Variants in INPP4B observed in about 807,000 individuals in gnomAD.
INPP4B encodes the protein inositol polyphosphate 4-phosphatase type II.
A neutral mutation model predicts 122.5 loss-of-function variants in INPP4B; 55 were observed. The ratio of observed to expected loss-of-function variants is 0.45; its 90% CI spans 0.36 to 0.56. The LOEUF is 0.56. Ranked by LOEUF, INPP4B falls within the 20% of genes least tolerant of loss-of-function variation. INPP4B has a pLI of 0.00. For missense variants in INPP4B, 1,000 were observed against 1,097.7 expected, an observed-to-expected ratio of 0.91 and a Z score of 1.26; for synonymous variants, 403 against 388.7, an observed-to-expected ratio of 1.04 and a Z score of -0.43.
chr4:142,608,125 A>T (rs1483170743), intron 2 of INPP4B, among the ~76,000 whole-genome samples: 1 of 152,192 alleles, frequency 6.6e-6, no homozygotes, highest in Non-Finnish European at 1.5e-5. Flanking sequence ...TGAATCATCA[A>T]GGGCCTATTG....
chr4:142,333,453 C>G (rs1027460103), intron 7 of INPP4B, among the ~76,000 whole-genome samples: 2 of 152,152 alleles, frequency 1.3e-5, no homozygotes, highest in South Asian at 2.1e-4. Flanking sequence ...TCGCTTTTAT[C>G]TCTCATATTC....
intron 2 of INPP4B, among the ~76,000 whole-genome samples, chr4:142,546,879 A>G (rs1280995517): frequency 1.3e-5 from 2 of 152,162 alleles, no homozygotes; most frequent in African/African-American, 4.8e-5. Flanking sequence ...AGTAATATTA[A>G]GAAACTACAG....
chr4:142,072,540 CTTT>C (rs768906284), intron 25 of INPP4B, among the ~76,000 whole-genome samples: 4 of 134,526 alleles, frequency 3.0e-5, no homozygotes, highest in Admixed American at 7.5e-5. Flanking sequence ...GTGGAAATGA[CTTT>C]TTTTTTTTTT....
At chr4:142,451,228 C>T (rs1372498820) in intron 3 of INPP4B, among the ~76,000 whole-genome samples, 1 of 150,046 alleles carries the variant, frequency 6.7e-6, no homozygotes, top group African/African-American at 2.4e-5. Flanking sequence ...AACATAGTTT[C>T]CCTTTTTTGT....
At chr4:142,557,630 A>C (rs1459295415) in intron 2 of INPP4B, among the ~76,000 whole-genome samples, 3 of 152,228 alleles carry the variant, frequency 2.0e-5, no homozygotes, top group Non-Finnish European at 4.4e-5. Context: ...TTTAAGATAC[A>C]GCCTTGGTAA....
chr4:142,842,821 A>T (rs1217498576), intron 1 of INPP4B, among the ~76,000 whole-genome samples: 1 of 134,918 alleles, frequency 7.4e-6, no homozygotes, highest in African/African-American at 2.7e-5. Flanking sequence ...TGTATGATAT[A>T]TATAAATTTA....
At chr4:142,031,828 A>C (rs1004164629) in intron 25 of INPP4B, among the ~76,000 whole-genome samples, 8 of 152,160 alleles carry the variant, frequency 5.3e-5, no homozygotes, top group African/African-American at 1.9e-4. Flanking sequence ...TTCAACCCAA[A>C]GTTTTTAGTG....
At chr4:142,346,015 A>G (rs1780223124) in intron 7 of INPP4B, among the ~76,000 whole-genome samples, 1 of 151,986 alleles carries the variant, frequency 6.6e-6, no homozygotes, top group Non-Finnish European at 1.5e-5. Flanking sequence ...GCAGTTGCAA[A>G]TCTTTCTCAT....
At chr4:142,654,976 A>G (rs891187492) in intron 2 of INPP4B, among the ~76,000 whole-genome samples, 2 of 152,162 alleles carry the variant, frequency 1.3e-5, no homozygotes, top group Non-Finnish European at 2.9e-5. Context: ...CACTTAATTG[A>G]AAGGATTCCT....
Position 142,097,225 on chromosome 4 carries a change from T to TTTTATTTTATTTTATTTTATTTTA in INPP4B, c.2374+10867_2374+10868insTAAAATAAAATAAAATAAAATAAA, listed in dbSNP as rs70949153. ...TCCATTTTTTGTTTATTTTATGTTATTTTTATTTTATTTTATTTTATTTTA... is the reference window on the plus strand; with the variant it reads ...TCCATTTTTTGTTTATTTTATGTTATTTTATTTTATTTTATTTTATTTTATTTTATTTTATTTTATTTTATTTTA... On this transcript the variant is annotated intron_variant, in intron 23 of 25. Transcript: ENST00000262992. 2.2e-3 allele frequency among the ~76,000 whole-genome samples: 294 copies of TTTTATTTTATTTTATTTTATTTTA among 135,544 alleles called. 4 individuals carry two copies. The highest frequency in any genetic ancestry group is 5.6e-3 in the Admixed American group (74 of 13,254). The allele number at this position is 135,544 out of a possible 152,430, so 88.9% of individuals were successfully genotyped here.
rs148360007 is a variant in INPP4B at position 142,464,606 on chromosome 4, C to G, written c.-190-1880G>C. 7.1e-3 allele frequency among the ~76,000 whole-genome samples: 946 copies of G among 133,126 alleles called. 14 individuals are homozygous for G. Among genetic ancestry groups the G allele is most frequent in the African/African-American group, 0.029 (889 of 30,820 alleles). The allele number at this position is 133,126 out of a possible 152,430, so 87.3% of individuals were successfully genotyped here. ...AGACCCAGAGTTGCTTTTAAGATAA[C>G]TGTTAAGAAAAAAAAAAAATGTTTC... On this transcript the variant is annotated intron_variant, in intron 2 of 25. Coordinates refer to ENST00000262992, the MANE Select transcript of INPP4B (RefSeq NM_001101669.3).
chr4:142,513,479 C>T (rs1439479489), intron 2 of INPP4B, among the ~76,000 whole-genome samples: 1 of 151,974 alleles, frequency 6.6e-6, no homozygotes, highest in African/African-American at 2.4e-5. Context: ...ACAGTCTCGG[C>T]TCACTGCAAC....
At chr4:142,342,623 T>G (rs1308049143) in intron 7 of INPP4B, among the ~76,000 whole-genome samples, 1 of 152,150 alleles carries the variant, frequency 6.6e-6, no homozygotes, top group Non-Finnish European at 1.5e-5. Flanking sequence ...ACAAGAATTG[T>G]TGCATATTTT....
intron 2 of INPP4B, among the ~76,000 whole-genome samples, chr4:142,530,368 T>C (rs1166097549): frequency 1.3e-5 from 2 of 151,922 alleles, no homozygotes; most frequent in African/African-American, 4.8e-5. Flanking sequence ...CTAACATTAA[T>C]TGAGCATCTG....
At chr4:142,500,908 C>T (rs370218374) in intron 2 of INPP4B, among the ~76,000 whole-genome samples, 14 of 152,002 alleles carry the variant, frequency 9.2e-5, no homozygotes, top group Admixed American at 4.6e-4. Flanking sequence ...TCAATAAATA[C>T]AAAGTTTCAG....
chr4:142,615,517 G>C (rs900547481), intron 2 of INPP4B, among the ~76,000 whole-genome samples: 1 of 152,150 alleles, frequency 6.6e-6, no homozygotes, highest in African/African-American at 2.4e-5. Flanking sequence ...TGACCTGTAG[G>C]GATGTGTGAG....
At chr4:142,318,960 G>A (rs2151385463) in intron 7 of INPP4B, among the ~76,000 whole-genome samples, 1 of 152,262 alleles carries the variant, frequency 6.6e-6, no homozygotes, top group East Asian at 1.9e-4. Context: ...CCTCAGACTA[G>A]TCAACCTTGT....
Position 142,736,950 on chromosome 4 carries a change from C to T in INPP4B, c.-253-11049G>A, listed in dbSNP as rs367878847. Among the ~76,000 whole-genome samples, 13 of 151,594 alleles carry T rather than the reference C, an allele frequency of 8.6e-5. No individual in the cohort carries two copies. In the East Asian group the frequency reaches 1.9e-3, roughly 23 times the overall value. ...GGCTGTGGGTTTGTCATAGATAGCTCGAAATAAAAGAGGATACAAACAAAT... is the reference window on the plus strand; with the variant it reads ...GGCTGTGGGTTTGTCATAGATAGCTTGAAATAAAAGAGGATACAAACAAAT... On this transcript the variant is annotated intron_variant, in intron 1 of 25. Coordinates refer to ENST00000262992, the MANE Select transcript of INPP4B (RefSeq NM_001101669.3).
intron 24 of INPP4B, among the ~76,000 whole-genome samples, chr4:142,084,409 A>G (rs1003251278): frequency 6.6e-6 from 1 of 152,126 alleles, no homozygotes; most frequent in Non-Finnish European, 1.5e-5. Context: ...GTGAGCCACC[A>G]CGCCTGGCCA....
Sources: allele counts gnomAD v4.1 joint callset (sites outside exome capture counted in the v4.1 genomes callset), GRCh38; gene constraint gnomAD v4.1.1; transcripts MANE v1.5; gene names NCBI Gene and HGNC (gene_info 2026-07-23, HGNC 2026-07-21).